The following MYO5B variants were observed in gnomAD, a reference collection of about 807,000 sequenced individuals.
The protein encoded by MYO5B is myosin VB, also known as unconventional myosin-Vb.
Under a neutral mutation model 229.3 loss-of-function variants are expected in MYO5B, and 143 were observed. The ratio of observed to expected loss-of-function variants is 0.62; its 90% CI spans 0.54 to 0.72. MYO5B has a LOEUF of 0.72. Among genes scored for constraint, MYO5B ranks in the 30% least tolerant of loss-of-function variants. The pLI is 0.00. For missense variants in MYO5B, 2,321 were observed against 2,331.0 expected (o/e 1.00, Z 0.09); for synonymous variants, 918 against 885.2 (o/e 1.04, Z -0.66).
intron 1 of MYO5B, among the ~76,000 whole-genome samples, chr18:50,179,676 G>A (rs76531865): frequency 0.012 from 1,875 of 152,304 alleles, 40 homozygotes; most frequent in African/African-American, 0.043. Flanking sequence ...ATGCACCCCT[G>A]CTGCTGATGG....
chr18:50,043,298 TAATATATAATATAAATATATAAA>T lies in MYO5B; in HGVS notation c.139-3007_139-2985del. Reference sequence around the variant, plus strand: ...TATATTTATATTTATATATTATATATAATATATAATATAAATATATAAAATATATATTTTATATATTTATATTA... The same window carrying T: ...TATATTTATATTTATATATTATATATATATATATTTTATATATTTATATTA... On this transcript the variant is annotated intron_variant, in intron 2 of 39. Coordinates refer to ENST00000285039, the MANE Select transcript of MYO5B (RefSeq NM_001080467.3). Among the ~76,000 whole-genome samples the T allele has an allele frequency of 2.9e-5, 3 of 103,862 alleles. No homozygotes were observed. In the East Asian group the frequency reaches 7.7e-4, roughly 27 times the overall value. 68.1% of individuals were successfully genotyped at this position (103,862 alleles called of 152,430 possible). A position where few individuals can be genotyped will look rare whatever the true frequency, so the allele number is the denominator to read the frequency against.
intron 27 of MYO5B, among the ~76,000 whole-genome samples, chr18:49,870,026 G>A (rs2144090693): frequency 6.6e-6 from 1 of 152,322 alleles, no homozygotes; most frequent in East Asian, 1.9e-4. Context: ...GGCGGGTGAA[G>A]GTTAGCATGC....
intron 1 of MYO5B, among the ~76,000 whole-genome samples, chr18:50,189,843 C>T (rs943294546): frequency 3.3e-5 from 5 of 152,138 alleles, no homozygotes; most frequent in Admixed American, 3.3e-4. Flanking sequence ...AGGTAAGGGA[C>T]TGTTAAAGGA....
intron 21 of MYO5B, among the ~76,000 whole-genome samples, chr18:49,897,128 C>A (rs2024787594): frequency 6.6e-6 from 1 of 152,134 alleles, no homozygotes; most frequent in Non-Finnish European, 1.5e-5. Flanking sequence ...GATATTGTCA[C>A]TGGGGGCTTG....
At chr18:50,182,207 AGAG>A (rs1317853371) in intron 1 of MYO5B, among the ~76,000 whole-genome samples, 1 of 152,228 alleles carries the variant, frequency 6.6e-6, no homozygotes, top group African/African-American at 2.4e-5. Flanking sequence ...TTTCTAGGTG[AGAG>A]AAGAAAACAA....
intron 34 of MYO5B, among the ~76,000 whole-genome samples, chr18:49,842,320 G>A (rs1040137536): frequency 1.3e-5 from 2 of 152,172 alleles, no homozygotes; most frequent in Admixed American, 6.5e-5. Flanking sequence ...ATGTTTTAGA[G>A]CCGTGAGTGG....
chr18:50,157,167 G>A (rs112193157), intron 1 of MYO5B, among the ~76,000 whole-genome samples: 14,145 of 151,440 alleles, frequency 0.093, 738 homozygotes, highest in East Asian at 0.19. Flanking sequence ...GTGCAGTGGC[G>A]TGATCTCGGC....
chr18:50,017,286 AT>A lies in MYO5B; in HGVS notation c.456-15876del, dbSNP rs34954831. ...GCACGTGCCACTACTGTCTGGCTAA[AT>A]TTTTTTTTTGTATTTTTAGTAGAGA... On this transcript the variant is annotated intron_variant, in intron 4 of 39. Coordinates refer to ENST00000285039, the MANE Select transcript of MYO5B (RefSeq NM_001080467.3). 3.8e-4 allele frequency among the ~76,000 whole-genome samples: 57 copies of A among 149,454 alleles called. No individual in the cohort carries two copies. In the East Asian group the frequency reaches 9.6e-3, roughly 25 times the overall value.
At position 49,894,998 on chromosome 18, in the gene MYO5B, G is replaced by C. The variant is rs2024761568; in HGVS notation, c.2988C>G (p.His996Gln). 17 of 1,613,832 alleles carry C rather than the reference G, an allele frequency of 1.1e-5. No individual in the cohort carries two copies. Among genetic ancestry groups the C allele is most frequent in the Non-Finnish European group, 1.4e-5 (16 of 1,180,036 alleles). Residue 996 changes from histidine (H) to glutamine (Q), a missense_variant, in exon 22 of 40, where the codon CAC becomes CAG. His to Gln is a conservative substitution (Grantham distance 24). Transcript: ENST00000285039. ...ESLRTELQRA[H>Q]SERKILEDAH... is the part of the protein sequence containing the mutation. ...CGTCCTCCAAGATCTTGCGCTCCGA[G>C]TGGGCCCTCTGCAGCTCTGTGCGCA...
At chr18:49,948,095 C>A (rs1313152970) in intron 14 of MYO5B, among the ~76,000 whole-genome samples, 1 of 152,138 alleles carries the variant, frequency 6.6e-6, no homozygotes, top group East Asian at 1.9e-4. Flanking sequence ...ACAGCTGACA[C>A]ATAGCTGTTA....
At chr18:50,069,344 C>T (rs1432904591) in intron 1 of MYO5B, among the ~76,000 whole-genome samples, 1 of 152,150 alleles carries the variant, frequency 6.6e-6, no homozygotes, top group Admixed American at 6.5e-5. Context: ...GGATGAAGAA[C>T]AGCATCATGT....
chr18:50,014,458 T>C (rs2026196086), intron 4 of MYO5B, among the ~76,000 whole-genome samples: 1 of 152,230 alleles, frequency 6.6e-6, no homozygotes, highest in Admixed American at 6.5e-5. Context: ...AGAGTATTAA[T>C]GATCCCTTAA....
At chr18:50,040,965 T>C (rs1181149508) in intron 2 of MYO5B, among the ~76,000 whole-genome samples, 4 of 152,188 alleles carry the variant, frequency 2.6e-5, no homozygotes, top group Non-Finnish European at 4.4e-5. Context: ...CACCCAAAAA[T>C]GTTCATTGAC....
chr18:50,132,650 G>C (rs1025686986), intron 1 of MYO5B, among the ~76,000 whole-genome samples: 5 of 152,130 alleles, frequency 3.3e-5, no homozygotes, highest in African/African-American at 1.2e-4. Context: ...CTCTTCCTGG[G>C]AATAGGGTTG....
At chr18:49,900,636 C>T (rs905641552) in intron 21 of MYO5B, among the ~76,000 whole-genome samples, 12 of 152,134 alleles carry the variant, frequency 7.9e-5, no homozygotes, top group African/African-American at 2.4e-4. Flanking sequence ...TTAAAAATGC[C>T]CAGTATAGAA....
intron 22 of MYO5B, among the ~76,000 whole-genome samples, chr18:49,889,441 T>A (rs1598859568): frequency 6.6e-6 from 1 of 152,182 alleles, no homozygotes; most frequent in Non-Finnish European, 1.5e-5. Flanking sequence ...GGTGGTGCAA[T>A]GAAGCATGAT....
intron 1 of MYO5B, among the ~76,000 whole-genome samples, chr18:50,078,738 G>T (rs1445394545): frequency 1.3e-5 from 2 of 152,102 alleles, no homozygotes; most frequent in African/African-American, 4.8e-5. Flanking sequence ...TCTCCTCCTA[G>T]ATACATGCCC....
intron 4 of MYO5B, among the ~76,000 whole-genome samples, chr18:50,008,910 C>T (rs189668395): frequency 7.4e-4 from 113 of 152,134 alleles, no homozygotes; most frequent in African/African-American, 2.5e-3. Context: ...CACAGATCAC[C>T]GACAATAGTT....
chr18:49,904,795 A>G lies in MYO5B; in HGVS notation c.2448T>C (p.Ala816=). 1 of 1,614,006 alleles carries G rather than the reference A, an allele frequency of 6.2e-7. No individual in the cohort carries two copies. Among genetic ancestry groups the G allele is most frequent in the Non-Finnish European group, 8.5e-7 (1 of 1,180,022 alleles). ...TGCGGTAATGTTTCTGGAGCACCAC[A>G]GCCGCTCTGATCCTCCGCAGGTGCT... ...LAEHLRRIRA[A]VVLQKHYRMQ... is the part of the protein sequence containing the mutation. Residue 816 remains alanine (A), a synonymous_variant, in exon 20 of 40, where the codon GCT becomes GCC. Transcript: ENST00000285039.
Sources: allele counts gnomAD v4.1 joint callset (sites outside exome capture counted in the v4.1 genomes callset), GRCh38; gene constraint gnomAD v4.1.1; transcripts MANE v1.5; gene names NCBI Gene and HGNC (gene_info 2026-07-23, HGNC 2026-07-21).